Variants in NRG2 observed in about 807,000 individuals in gnomAD.
NRG2 encodes the protein neuregulin 2, also known as pro-neuregulin-2, membrane-bound isoform.
Under a neutral mutation model 73.9 loss-of-function variants are expected in NRG2, and 27 were observed. That is an observed-to-expected ratio of 0.37 (90% CI 0.27 to 0.50). NRG2 has a LOEUF of 0.50. Ranked by LOEUF, NRG2 falls within the 20% of genes least tolerant of loss-of-function variation. The probability of loss-of-function intolerance (pLI) is 0.96; values close to 1 mark genes in which losing one functional copy is unlikely to be tolerated. For synonymous variants in NRG2, 532 were observed against 541.0 expected (o/e 0.98, Z 0.23); for missense variants, 1,126 against 1,210.1 (o/e 0.93, Z 1.03).
At chr5:139,973,392 C>T (rs1756126954) in intron 1 of NRG2, among the ~76,000 whole-genome samples, 1 of 152,122 alleles carries the variant, frequency 6.6e-6, no homozygotes, top group African/African-American at 2.4e-5. Flanking sequence ...AGGTCTCACT[C>T]CGTTGCCTGG....
At position 139,880,874 on chromosome 5, in the gene NRG2, G is replaced by A. The variant is rs774237401; in HGVS notation, c.973C>T (p.Arg325Trp). ...NILGKDTVRGRLYVNSVSTTL... is the reference protein window; with the variant it reads ...NILGKDTVRGWLYVNSVSTTL... Reference sequence around the variant, plus strand: ...CACCTACCGCTGTTGACGTAAAGCCGGCCCCGGACGGTGTCCTTCCCCAGG... The same window carrying A: ...CACCTACCGCTGTTGACGTAAAGCCAGCCCCGGACGGTGTCCTTCCCCAGG... Residue 325 changes from arginine (R) to tryptophan (W), a missense_variant, in exon 3 of 10, where the codon CGG (arginine) becomes TGG (tryptophan). Transcript: ENST00000361474. The A allele has an allele frequency of 5.6e-5, 90 of 1,613,916 alleles. No individual in the cohort carries two copies. Among genetic ancestry groups the A allele is most frequent in the Non-Finnish European group, 7.4e-5 (87 of 1,179,922 alleles).
At chr5:139,888,456 T>A (rs868182945) in intron 1 of NRG2, among the ~76,000 whole-genome samples, 1 of 152,176 alleles carries the variant, frequency 6.6e-6, no homozygotes, top group South Asian at 2.1e-4. Flanking sequence ...GTCTTATTTC[T>A]CTCTGTGAGA....
At chr5:140,022,402 T>C (rs956585601) in intron 1 of NRG2, among the ~76,000 whole-genome samples, 1 of 152,256 alleles carries the variant, frequency 6.6e-6, no homozygotes, top group African/African-American at 2.4e-5. Flanking sequence ...AGTACCCTTA[T>C]GATTTCACCA....
At chr5:139,938,941 GA>G (rs1300019840) in intron 1 of NRG2, among the ~76,000 whole-genome samples, 8 of 113,280 alleles carry the variant, frequency 7.1e-5, no homozygotes, top group African/African-American at 2.5e-4. Context: ...AAGAAAGAAA[GA>G]AAGAAAGAAA....
rs1228695059 is a variant in NRG2, at chr5:139,847,495, GC to G, written c.*421del. 2.3e-5 allele frequency: 1 copy of G among 44,162 alleles called. No individual in the cohort carries two copies. The highest frequency in any genetic ancestry group is 7.1e-4 in the East Asian group (1 of 1,418). The allele number at this position is 44,162 out of a possible 1,614,324, so 2.7% of individuals were successfully genotyped here. A position where few individuals can be genotyped will look rare whatever the true frequency, so the allele number is the denominator to read the frequency against. Reference sequence around the variant, plus strand: ...CAACCCCCCACCGCCCCCCACCCTCGCCCCCAACAGAACCCGCACCTCTTCT... The same window carrying G: ...CAACCCCCCACCGCCCCCCACCCTCGCCCCAACAGAACCCGCACCTCTTCT... On this transcript the variant is annotated 3_prime_UTR_variant, in exon 10 of 10. Coordinates refer to ENST00000361474, the MANE Select transcript of NRG2 (RefSeq NM_004883.3).
intron 1 of NRG2, among the ~76,000 whole-genome samples, chr5:139,903,125 G>A (rs956025442): frequency 5.9e-5 from 9 of 152,176 alleles, no homozygotes; most frequent in Non-Finnish European, 2.9e-5. Context: ...AAGCACCATC[G>A]AAGCCTCCCA....
Position 139,865,597 on chromosome 5 carries a change from A to T in NRG2, c.1141T>A (p.Cys381Ser). 6.2e-7 allele frequency: 1 copy of T among 1,610,164 alleles called. No individual in the cohort carries two copies. Among genetic ancestry groups the T allele is most frequent in the Non-Finnish European group, 8.5e-7 (1 of 1,179,094 alleles). The change falls in exon 5 of 10, where the codon TGT becomes AGT. Residue 381 changes from cysteine to serine, a missense_variant. Transcript: ENST00000361474. The surrounding 1 kb of genome is among the most constrained non-coding windows in gnomAD (Gnocchi z 5.2). ...KCPNGFFGQR[C>S]LEKLPLRLYM... ...AATCGCAAAGGCAGTTTCTCCAAAC[A>T]TCTCTGTCCGAAGAATCCATTTGGA...
intron 1 of NRG2, among the ~76,000 whole-genome samples, chr5:140,021,487 C>T (rs11741799): frequency 0.015 from 2,341 of 152,318 alleles, 26 homozygotes; most frequent in Admixed American, 0.029. Context: ...ATGGACCATA[C>T]TTTTCCTATG....
chr5:139,886,784 A>T lies in NRG2; in HGVS notation c.872+556T>A, dbSNP rs377734344. 9.2e-5 allele frequency among the ~76,000 whole-genome samples: 14 copies of T among 152,330 alleles called. No homozygotes were observed. In the East Asian group the frequency reaches 2.7e-3, roughly 29 times the overall value. On this transcript the variant is annotated intron_variant, in intron 2 of 9. Transcript: ENST00000361474. Reference sequence around the variant, plus strand: ...TCTGATTCACTTCCCTGGAGCACTGATTCAGGATTAAAGACAATTCTCAAC... The same window carrying T: ...TCTGATTCACTTCCCTGGAGCACTGTTTCAGGATTAAAGACAATTCTCAAC...
intron 1 of NRG2, among the ~76,000 whole-genome samples, chr5:139,949,336 T>A (rs1012075753): frequency 2.6e-5 from 4 of 152,144 alleles, no homozygotes; most frequent in Non-Finnish European, 5.9e-5. Context: ...TCAGAGATGA[T>A]CTCCCTCTCT....
chr5:139,877,834 G>A (rs1176380763), intron 3 of NRG2, among the ~76,000 whole-genome samples: 2 of 152,222 alleles, frequency 1.3e-5, no homozygotes, highest in African/African-American at 4.8e-5. Flanking sequence ...GACTTACTCA[G>A]GGTTGCATGA....
intron 1 of NRG2, among the ~76,000 whole-genome samples, chr5:140,039,448 G>A (rs28597089): frequency 6.6e-6 from 1 of 152,066 alleles, no homozygotes; most frequent in African/African-American, 2.4e-5. Context: ...ATCACCAGAT[G>A]TACTCTTTCT....
At chr5:139,876,758 T>G (rs1763200335) in intron 3 of NRG2, among the ~76,000 whole-genome samples, 2 of 152,134 alleles carry the variant, frequency 1.3e-5, no homozygotes, top group Non-Finnish European at 2.9e-5. Context: ...ATAAATTGCC[T>G]ACCTTCCTCT....
chr5:139,952,115 T>C (rs1267579298), intron 1 of NRG2, among the ~76,000 whole-genome samples: 1 of 152,246 alleles, frequency 6.6e-6, no homozygotes, highest in Non-Finnish European at 1.5e-5. Context: ...CTTTGCAGAA[T>C]GGTTGCAGGG....
At chr5:140,035,046 A>G (rs1285079378) in intron 1 of NRG2, among the ~76,000 whole-genome samples, 1 of 152,026 alleles carries the variant, frequency 6.6e-6, no homozygotes, top group African/African-American at 2.4e-5. Context: ...ACATGACGAA[A>G]CCCTATCTCT....
chr5:139,928,439 C>T (rs1316643560), intron 1 of NRG2, among the ~76,000 whole-genome samples: 1 of 152,184 alleles, frequency 6.6e-6, no homozygotes, highest in Admixed American at 6.5e-5. Context: ...GCACACTCTA[C>T]ACGTAAGTGC....
chr5:140,028,285 C>T (rs1760858969), intron 1 of NRG2, among the ~76,000 whole-genome samples: 1 of 152,176 alleles, frequency 6.6e-6, no homozygotes, highest in South Asian at 2.1e-4. Context: ...GAACTCTGTA[C>T]TATTTTTGCA....
chr5:139,867,801 AGT>A (rs1202470798), intron 4 of NRG2, among the ~76,000 whole-genome samples: 5,310 of 79,170 alleles, frequency 0.067, 154 homozygotes, highest in African/African-American at 0.15. Flanking sequence ...TGTGTGTATG[AGT>A]GTGTGTGTGT....
intron 1 of NRG2, among the ~76,000 whole-genome samples, chr5:140,005,975 C>T (rs897925022): frequency 2.6e-5 from 4 of 152,136 alleles, no homozygotes; most frequent in African/African-American, 9.7e-5. Flanking sequence ...AACTAGATAC[C>T]AAAGACGTCT....
Sources: allele counts gnomAD v4.1 joint callset (sites outside exome capture counted in the v4.1 genomes callset), GRCh38; gene constraint gnomAD v4.1.1; non-coding constraint Gnocchi (gnomAD v3.1); transcripts MANE v1.5; gene names NCBI Gene and HGNC (gene_info 2026-07-23, HGNC 2026-07-21).